Variants in SNTG1 observed in about 807,000 individuals in gnomAD.
SNTG1 encodes the protein gamma-1-syntrophin.
In SNTG1, 39 loss-of-function variants were observed where a neutral mutation model predicts 74.7. That is an observed-to-expected ratio of 0.52 (90% CI 0.40 to 0.68). SNTG1 has a LOEUF of 0.68. Ranked by LOEUF, SNTG1 falls within the 30% of genes least tolerant of loss-of-function variation. The probability of loss-of-function intolerance (pLI) is 0.00; values close to 1 mark genes in which losing one functional copy is unlikely to be tolerated. For synonymous variants in SNTG1, 254 were observed against 217.1 expected (o/e 1.17, Z -1.49); for missense variants, 685 against 609.5 (o/e 1.12, Z -1.30).
Position 50,216,736 on chromosome 8 carries a change from G to A in SNTG1, c.-28+44101G>A, listed in dbSNP as rs2084808718. On this transcript the variant is annotated intron_variant, in intron 2 of 18. Transcript: ENST00000642720. ...TGAATTAGAAATTAAAATTCTTAAT[G>A]TCTGAGAATTATTTTCATAAGAAGA... 2.0e-5 allele frequency among the ~76,000 whole-genome samples: 3 copies of A among 152,178 alleles called. No individual in the cohort carries two copies. In the South Asian group the frequency reaches 6.2e-4, roughly 32 times the overall value.
chr8:50,056,809 A>G (rs893354935), intron 1 of SNTG1, among the ~76,000 whole-genome samples: 2 of 152,088 alleles, frequency 1.3e-5, no homozygotes, highest in African/African-American at 4.8e-5. Flanking sequence ...CCATGGAGGC[A>G]ATTGGGGATT....
intron 2 of SNTG1, among the ~76,000 whole-genome samples, chr8:50,350,216 C>T (rs1020302229): frequency 3.9e-5 from 6 of 152,216 alleles, no homozygotes; most frequent in Non-Finnish European, 5.9e-5. Flanking sequence ...CCCGTGGGCT[C>T]CTGTGCAGCC....
At chr8:50,046,661 G>A (rs982297673) in intron 1 of SNTG1, among the ~76,000 whole-genome samples, 7 of 151,996 alleles carry the variant, frequency 4.6e-5, no homozygotes, top group African/African-American at 1.4e-4. Flanking sequence ...GGAGTTCATA[G>A]AAAAAACAAA....
chr8:50,432,291 G>A (rs536119152), intron 4 of SNTG1, among the ~76,000 whole-genome samples: 1 of 150,874 alleles, frequency 6.6e-6, no homozygotes, highest in African/African-American at 2.4e-5. Flanking sequence ...CTATTGAATT[G>A]TTTTTATTCT....
chr8:50,607,127 T>C (rs1399901090), intron 13 of SNTG1, among the ~76,000 whole-genome samples: 1 of 151,916 alleles, frequency 6.6e-6, no homozygotes, highest in Non-Finnish European at 1.5e-5. Flanking sequence ...TAACTTATTT[T>C]TTACTTTTTA....
chr8:50,039,797 T>G (rs965961442), intron 1 of SNTG1, among the ~76,000 whole-genome samples: 4 of 152,114 alleles, frequency 2.6e-5, no homozygotes, highest in Admixed American at 6.5e-5. Flanking sequence ...TTTTTTCTAG[T>G]AATTTGGGAG....
At chr8:49,944,531 G>A (rs1316590554) in intron 1 of SNTG1, among the ~76,000 whole-genome samples, 1 of 130,558 alleles carries the variant, frequency 7.7e-6, no homozygotes, top group East Asian at 2.3e-4. Context: ...TGAACAATGA[G>A]AACACATGGA....
intron 4 of SNTG1, among the ~76,000 whole-genome samples, chr8:50,420,746 G>T (rs1277829865): frequency 2.6e-5 from 4 of 152,014 alleles, no homozygotes; most frequent in Non-Finnish European, 5.9e-5. Context: ...GGGAAGATAG[G>T]CCAGGTGCAG....
intron 12 of SNTG1, among the ~76,000 whole-genome samples, chr8:50,578,692 G>A (rs1414469389): frequency 1.3e-5 from 2 of 152,112 alleles, no homozygotes; most frequent in African/African-American, 4.8e-5. Flanking sequence ...CTTTATAAGG[G>A]GCTTTTCCCC....
chr8:50,588,868 A>G (rs1479288153), intron 12 of SNTG1, among the ~76,000 whole-genome samples: 1 of 152,014 alleles, frequency 6.6e-6, no homozygotes, highest in Non-Finnish European at 1.5e-5. Flanking sequence ...TCGCCACATT[A>G]CAAAGACAAT....
At chr8:50,576,849 T>G (rs1348211367) in intron 12 of SNTG1, among the ~76,000 whole-genome samples, 1 of 152,146 alleles carries the variant, frequency 6.6e-6, no homozygotes, top group Non-Finnish European at 1.5e-5. Context: ...TAACAATTAC[T>G]TTTGGATAAA....
chr8:50,481,773 T>C (rs922757527), intron 8 of SNTG1, among the ~76,000 whole-genome samples: 1 of 152,222 alleles, frequency 6.6e-6, no homozygotes, highest in Non-Finnish European at 1.5e-5. Context: ...GTGTGAAAAA[T>C]ATCTATGAAA....
chr8:50,593,820 C>T (rs891408748), intron 13 of SNTG1, among the ~76,000 whole-genome samples: 5 of 151,422 alleles, frequency 3.3e-5, no homozygotes, highest in East Asian at 1.9e-4. Context: ...CTGGTTCGAG[C>T]GATTCTCCTG....
intron 18 of SNTG1, among the ~76,000 whole-genome samples, chr8:50,757,056 C>A (rs1198549089): frequency 4.6e-5 from 7 of 151,540 alleles, no homozygotes; most frequent in Non-Finnish European, 1.0e-4. Flanking sequence ...AGTAGAAAAT[C>A]TTTGGATTTC....
intron 1 of SNTG1, among the ~76,000 whole-genome samples, chr8:50,035,710 C>A (rs908811843): frequency 6.6e-6 from 1 of 152,154 alleles, no homozygotes; most frequent in East Asian, 1.9e-4. Context: ...CACAGTTCTT[C>A]GCTGAGGACT....
chr8:50,430,643 T>G (rs2093223987), intron 4 of SNTG1, among the ~76,000 whole-genome samples: 1 of 152,160 alleles, frequency 6.6e-6, no homozygotes, highest in Admixed American at 6.6e-5. Flanking sequence ...TTGGCAGAAC[T>G]TGCAGACAGA....
chr8:50,236,889 G>A (rs1234793597), intron 2 of SNTG1, among the ~76,000 whole-genome samples: 1 of 151,950 alleles, frequency 6.6e-6, no homozygotes, highest in Non-Finnish European at 1.5e-5. Flanking sequence ...TGGGTTATTT[G>A]GAAGCAAATC....
Position 50,414,626 on chromosome 8 carries a change from G to A in SNTG1, c.162+12282G>A, listed in dbSNP as rs188483211. On this transcript the variant is annotated intron_variant, in intron 4 of 18. Coordinates refer to ENST00000642720, the MANE Select transcript of SNTG1 (RefSeq NM_018967.5). The stretch of plus-strand genomic sequence containing the variant: ...TCTTTCCTTATTACTCTGACTGCAC[G>A]TTTGACATTATTTTTATTTATTTTA... Among the ~76,000 whole-genome samples the A allele has an allele frequency of 2.1e-3, 316 of 151,800 alleles. 3 individuals carry two copies. The highest frequency in any genetic ancestry group is 0.01 in the Middle Eastern group (3 of 294).
chr8:50,343,796 T>TA (rs1162134345), intron 2 of SNTG1, among the ~76,000 whole-genome samples: 3 of 152,108 alleles, frequency 2.0e-5, no homozygotes, highest in African/African-American at 4.8e-5. Context: ...TTTTTTGAAA[T>TA]AAAAAAATAG....
Sources: gnomAD v4.1 joint callset for allele counts (sites outside exome capture counted in the v4.1 genomes callset) on GRCh38, gnomAD v4.1.1 for gene constraint, MANE v1.5 for transcripts, NCBI Gene and HGNC (gene_info 2026-07-23, HGNC 2026-07-21) for gene names.